The following MYCBPAP variants were observed in gnomAD, a reference collection of about 807,000 sequenced individuals.
MYCBPAP encodes MYCBP associated protein.
A neutral mutation model predicts 106.1 loss-of-function variants in MYCBPAP; 60 were observed. The observed-to-expected ratio is 0.57, with a 90% confidence interval of 0.46 to 0.70. The LOEUF is 0.70. MYCBPAP is among the 30% of genes least tolerant of loss of function. The probability of loss-of-function intolerance (pLI) is 0.00; values close to 1 mark genes in which losing one functional copy is unlikely to be tolerated. For missense variants in MYCBPAP, 1,064 were observed against 1,169.3 expected (o/e 0.91, Z 1.31); for synonymous variants, 407 against 440.6 (o/e 0.92, Z 0.95).
chr17:50,519,594 G>A, intron 6 of MYCBPAP, 46 bp from the exon 7 acceptor site: 3 of 1,609,190 alleles, frequency 1.9e-6, no homozygotes, highest in Non-Finnish European at 2.5e-6. Context: ...ACCAGCATCT[G>A]GCTGAGGTGT....
chr17:50,520,057 C>G (rs540452800), intron 7 of MYCBPAP: 2 of 365,220 alleles, frequency 5.5e-6, no homozygotes, highest in South Asian at 1.2e-4. Context: ...CGCTGGTGAG[C>G]GCCTGGATCG....
Position 50,523,751 on chromosome 17 carries a change from G to A in MYCBPAP, c.1602G>A (p.Gln534=). The change falls in exon 12 of 19, where the codon CAG becomes CAA. Residue 534 remains glutamine (Q), a synonymous_variant. Coordinates refer to ENST00000323776, the MANE Select transcript of MYCBPAP (RefSeq NM_032133.6). The part of the protein sequence containing the change: ...QVNLHAVSLT[Q]DVFEDERKVL... Reference sequence around the variant, plus strand: ...ATCTCCACGCGGTCTCCCTGACCCAGGACGTTTTTGAGGATGAGAGGAAAG... The same window carrying A: ...ATCTCCACGCGGTCTCCCTGACCCAAGACGTTTTTGAGGATGAGAGGAAAG... The A allele has an allele frequency of 2.5e-6, 4 of 1,614,100 alleles. No individual in the cohort carries two copies. The highest frequency in any genetic ancestry group is 3.4e-6 in the Non-Finnish European group (4 of 1,179,988).
In MYCBPAP at chr17:50,526,168, G is replaced by T; in HGVS notation, c.2070G>T (p.Leu690=). ...PQRKSIMEEI[L]VEESPDVDST... The stretch of plus-strand genomic sequence containing the variant: ...GGAAGAGCATCATGGAGGAGATCCT[G>T]GTGGAGGAAAGCCCAGATGTGGACA... Residue 690 remains leucine (L), a synonymous_variant, in exon 14 of 19, where the codon CTG becomes CTT. Transcript: ENST00000323776. 6.2e-7 allele frequency: 1 copy of T among 1,613,626 alleles called. No individual in the cohort carries two copies. The highest frequency in any genetic ancestry group is 8.5e-7 in the Non-Finnish European group (1 of 1,179,924).
In MYCBPAP at chr17:50,521,142, T is replaced by C; in HGVS notation, c.949T>C (p.Tyr317His). ...AGCCCAGAGGGACGCTTCATACCGC[T>C]ACACCTGGGATCGGAGTCTGTTTCT... ...LPAQRDASYR[Y>H]TWDRSLFLIY... Residue 317 changes from tyrosine to histidine, a missense_variant, in exon 8 of 19, where the codon TAC becomes CAC. Transcript: ENST00000323776. 1 of 1,613,644 alleles carries C rather than the reference T, an allele frequency of 6.2e-7. No homozygotes were observed. Among genetic ancestry groups the C allele is most frequent in the Non-Finnish European group, 8.5e-7 (1 of 1,179,922 alleles).
intron 1 of MYCBPAP, among the ~76,000 whole-genome samples, chr17:50,510,986 T>C (rs1232716165): frequency 6.6e-6 from 1 of 152,136 alleles, no homozygotes; most frequent in African/African-American, 2.4e-5. Flanking sequence ...TCACTGCATA[T>C]TTATTTTTAA....
At chr17:50,514,435 T>TA (rs2033968603) in intron 1 of MYCBPAP, among the ~76,000 whole-genome samples, 1 of 152,176 alleles carries the variant, frequency 6.6e-6, no homozygotes, top group Non-Finnish European at 1.5e-5. Context: ...TGTAGGGCCT[T>TA]ATATCAAACC....
intron 14 of MYCBPAP, 42 bp downstream of exon 14, chr17:50,526,309 TG>T: frequency 6.5e-7 from 1 of 1,529,414 alleles, no homozygotes; most frequent in South Asian, 1.3e-5. Flanking sequence ...AGAATATTCC[TG>T]CCTCGAACCA....
At position 50,523,076 on chromosome 17, in the gene MYCBPAP, C is replaced by T; in HGVS notation, c.1395C>T (p.Phe465=). The stretch of plus-strand genomic sequence containing the variant: ...GACGGCAGCACCAGCCGGACACTTT[C>T]CAAGACCTTAAGAAAAACAGGATGC... ...DWRRQHQPDT[F]QDLKKNRMQR... Residue 465 remains phenylalanine, a synonymous_variant, in exon 11 of 19, where the codon TTC becomes TTT. Transcript: ENST00000323776. 1.2e-6 allele frequency: 2 copies of T among 1,614,128 alleles called. No homozygotes were observed. Among genetic ancestry groups the T allele is most frequent in the Non-Finnish European group, 1.7e-6 (2 of 1,180,026 alleles).
At chr17:50,526,780 G>A (rs2034477694) in intron 14 of MYCBPAP, among the ~76,000 whole-genome samples, 4 of 152,076 alleles carry the variant, frequency 2.6e-5, no homozygotes, top group East Asian at 1.9e-4. Flanking sequence ...ACGGGGTTTC[G>A]CTATGTTGGC....
At position 50,521,972 on chromosome 17, in the gene MYCBPAP, G is replaced by C; in HGVS notation, c.1149-1G>C. The C allele has an allele frequency of 6.2e-7, 1 of 1,612,692 alleles. No homozygotes were observed. Among genetic ancestry groups the C allele is most frequent in the Non-Finnish European group, 8.5e-7 (1 of 1,178,840 alleles). On this transcript the variant is annotated splice_acceptor_variant, in intron 9 of 18. Transcript: ENST00000323776. LOFTEE classifies it high-confidence loss of function. Reference sequence around the variant, plus strand: ...AAATAAGTCATTGGCTTTTCTTACAGAGGCACATTGGCCAGTTCCTCTGAT... The same window carrying C: ...AAATAAGTCATTGGCTTTTCTTACACAGGCACATTGGCCAGTTCCTCTGAT...
At position 50,508,561 on chromosome 17, in the gene MYCBPAP, CG is replaced by C. The variant is rs2033699280; in HGVS notation, c.-110del. Reference sequence around the variant, plus strand: ...TGATCGGTGGATGCGCGCCCCCGCGCGGGGCACCGGTTGCTGTGGACGCAGT... The same window carrying C: ...TGATCGGTGGATGCGCGCCCCCGCGCGGGCACCGGTTGCTGTGGACGCAGT... On this transcript the variant is annotated 5_prime_UTR_variant, in exon 1 of 19. Transcript: ENST00000323776. The C allele has an allele frequency of 6.5e-7, 1 of 1,545,012 alleles. No individual in the cohort carries two copies. The highest frequency in any genetic ancestry group is 8.7e-7 in the Non-Finnish European group (1 of 1,145,400).
intron 7 of MYCBPAP, 131 bp downstream of exon 7, chr17:50,519,918 T>G: frequency 1.0e-6 from 1 of 977,284 alleles, no homozygotes; most frequent in Non-Finnish European, 1.5e-6. Flanking sequence ...TCTGGGGTCT[T>G]AGGCAAGTCC....
chr17:50,509,106 A>AG, intron 1 of MYCBPAP: 1 of 703,018 alleles, frequency 1.4e-6, no homozygotes, highest in Non-Finnish European at 2.6e-6. Context: ...AAAGAGTTTA[A>AG]GGGTAGAAGG....
intron 1 of MYCBPAP, chr17:50,509,222 C>G: frequency 1.4e-6 from 1 of 691,694 alleles, no homozygotes; most frequent in Non-Finnish European, 2.6e-6. Context: ...GCAGGCGTCA[C>G]TTAGGATTCC....
At chr17:50,512,597 C>A (rs2143899188) in intron 1 of MYCBPAP, among the ~76,000 whole-genome samples, 1 of 152,284 alleles carries the variant, frequency 6.6e-6, no homozygotes, top group Admixed American at 6.5e-5. Context: ...TGATGTCTAA[C>A]CAAACCTATT....
At chr17:50,508,422 T>G, upstream of MYCBPAP, 13 of 902,600 alleles carry the variant, frequency 1.4e-5, no homozygotes, top group South Asian at 2.4e-4. Context: ...GCCTGTGGCG[T>G]CACAGGCCGG....
Position 50,528,840 on chromosome 17 carries a change from G to A in MYCBPAP, c.2553G>A (p.Glu851=), listed in dbSNP as rs749755572. 6.2e-7 allele frequency: 1 copy of A among 1,613,204 alleles called. No individual in the cohort carries two copies. The highest frequency in any genetic ancestry group is 1.1e-5 in the South Asian group (1 of 91,038). ...AAGGAGCCAAGCTGCTCGGGAAAGA[G>A]GCATGCTGGGGCGTGGTCTGGGCCA... ...DKKGAKLLGK[E]DRPNSKKHKA... is the part of the protein sequence containing the mutation. The change falls in exon 17 of 19, where the codon GAG becomes GAA. Residue 851 remains glutamate, a splice_region_variant and synonymous_variant. Transcript: ENST00000323776.
chr17:50,523,881 A>C, intron 12 of MYCBPAP, 97 bp downstream of exon 12: 1 of 1,242,914 alleles, frequency 8.0e-7, no homozygotes. Flanking sequence ...CTCCCAGCCT[A>C]AGAGGAGAAT....
chr17:50,531,423 A>G lies in MYCBPAP; in HGVS notation c.2821A>G (p.Arg941Gly). ...KNVEEALRLC[R>G] ...TGTCGAGGAGGCTTTGCGCCTCTGCAGGTGACTCTCGGGCCCAAGCAACCT... is the reference window on the plus strand; with the variant it reads ...TGTCGAGGAGGCTTTGCGCCTCTGCGGGTGACTCTCGGGCCCAAGCAACCT... The change falls in exon 19 of 19, where the codon AGG becomes GGG. Residue 941 changes from arginine (R) to glycine (G), a missense_variant. Transcript: ENST00000323776. The G allele has an allele frequency of 6.2e-7, 1 of 1,608,064 alleles. No individual in the cohort carries two copies. Among genetic ancestry groups the G allele is most frequent in the Non-Finnish European group, 8.5e-7 (1 of 1,177,972 alleles).
Sources: allele counts gnomAD v4.1 joint callset (sites outside exome capture counted in the v4.1 genomes callset), GRCh38; gene constraint gnomAD v4.1.1; transcripts MANE v1.5; gene names NCBI Gene and HGNC (gene_info 2026-07-23, HGNC 2026-07-21).